ABCB5: variants seen among roughly 807,000 people sequenced by gnomAD.
ABCB5 encodes ATP binding cassette subfamily B member 5.
ABCB5 carries 155 observed loss-of-function variants against 144.2 expected under a neutral mutation model. The ratio of observed to expected loss-of-function variants is 1.08; its 90% CI spans 0.94 to 1.23. The LOEUF is 1.23. Among genes scored for constraint, ABCB5 ranks in the 50% most tolerant of loss-of-function variants. The pLI is 0.00. For missense variants in ABCB5, 1,830 were observed against 1,520.8 expected, an observed-to-expected ratio of 1.20 and a Z score of -3.38; for synonymous variants, 610 against 528.6, an observed-to-expected ratio of 1.15 and a Z score of -2.11.
At chr7:20,631,919 T>G in intron 4 of ABCB5, 140 bp from the exon 5 acceptor site, 2 of 449,148 alleles carry the variant, frequency 4.5e-6, no homozygotes, top group Non-Finnish European at 8.1e-6. Context: ...GAATAGAAAA[T>G]GAGATGATAA....
chr7:20,718,706 A>C (rs900620344), intron 20 of ABCB5, among the ~76,000 whole-genome samples: 2 of 152,150 alleles, frequency 1.3e-5, no homozygotes, highest in East Asian at 3.9e-4. Context: ...TAGGGAAGCA[A>C]TTTGGCAATA....
intron 13 of ABCB5, among the ~76,000 whole-genome samples, chr7:20,656,907 TTTTTC>T (rs1169289892): frequency 0.15 from 13,443 of 89,664 alleles, 715 homozygotes; most frequent in African/African-American, 0.16. Context: ...TTCTTTTTCC[TTTTTC>T]TTTTTTTTTT....
intron 26 of ABCB5, among the ~76,000 whole-genome samples, chr7:20,748,475 C>G (rs1053146867): frequency 1.3e-5 from 2 of 151,852 alleles, no homozygotes; most frequent in African/African-American, 4.8e-5. Context: ...CATGGTGAAA[C>G]CCTGTCTTTA....
intron 27 of ABCB5, among the ~76,000 whole-genome samples, chr7:20,754,771 G>C (rs1005772862): frequency 6.6e-6 from 1 of 152,178 alleles, no homozygotes; most frequent in East Asian, 1.9e-4. Context: ...GTAGAAATTT[G>C]AATAGTATTA....
intron 16 of ABCB5, among the ~76,000 whole-genome samples, chr7:20,692,182 G>A (rs569279735): frequency 6.6e-6 from 1 of 152,064 alleles, no homozygotes; most frequent in African/African-American, 2.4e-5. Context: ...CTACACCTAG[G>A]TATATCATAA....
intron 16 of ABCB5, among the ~76,000 whole-genome samples, chr7:20,689,563 G>A (rs950950035): frequency 2.0e-5 from 3 of 152,150 alleles, no homozygotes; most frequent in Non-Finnish European, 4.4e-5. Flanking sequence ...TCATAGTTAT[G>A]CCTCTGTAAC....
At chr7:20,743,394 T>C (rs918321066) in intron 25 of ABCB5, among the ~76,000 whole-genome samples, 4 of 152,124 alleles carry the variant, frequency 2.6e-5, no homozygotes, top group Admixed American at 1.3e-4. Flanking sequence ...GGCTCCGTAT[T>C]CTGTTGTGGT....
intron 20 of ABCB5, among the ~76,000 whole-genome samples, chr7:20,717,264 G>C (rs539701734): frequency 6.6e-6 from 1 of 152,162 alleles, no homozygotes; most frequent in Non-Finnish European, 1.5e-5. Context: ...AGACTAGGAG[G>C]CTGCAACAAC....
chr7:20,627,048 A>G (rs565210602), intron 3 of ABCB5, among the ~76,000 whole-genome samples: 7 of 152,162 alleles, frequency 4.6e-5, no homozygotes, highest in Admixed American at 2.6e-4. Flanking sequence ...TAAATCAAAA[A>G]TAATTATCTA....
rs759546337 is a variant in ABCB5 at position 20,698,524 on chromosome 7, T to C, written c.2128T>C (p.Ser710Pro). The C allele has an allele frequency of 6.3e-7, 1 of 1,593,216 alleles. No homozygotes were observed. The highest frequency in any genetic ancestry group is 1.7e-4 in the Middle Eastern group (1 of 6,014). ...AAATGGAACTGTTCATCCAGTATTT[T>C]CCATCATCTTTGCAAAAATTATAAC... ...VLNGTVHPVF[S>P]IIFAKIITMF... Residue 710 changes from serine to proline, a missense_variant, in exon 17 of 28, where the codon TCC (serine) becomes CCC (proline). By Grantham distance (74) the Ser-to-Pro change is moderately conservative. Transcript: ENST00000404938.
At chr7:20,733,441 T>A (rs745694480) in intron 23 of ABCB5, among the ~76,000 whole-genome samples, 1 of 152,034 alleles carries the variant, frequency 6.6e-6, no homozygotes, top group African/African-American at 2.4e-5. Context: ...TTTCTTTTAA[T>A]TAAATTCATT....
At chr7:20,662,480 AACAC>A (rs1215707409) in intron 14 of ABCB5, among the ~76,000 whole-genome samples, 1 of 152,108 alleles carries the variant, frequency 6.6e-6, no homozygotes, top group Admixed American at 6.5e-5. Context: ...TTTACACACA[AACAC>A]ACACACACTA....
chr7:20,752,822 G>C (rs145563830), intron 26 of ABCB5, among the ~76,000 whole-genome samples: 2 of 152,126 alleles, frequency 1.3e-5, no homozygotes, highest in African/African-American at 4.8e-5. Flanking sequence ...CTCTAGACTG[G>C]GTAACAGAGC....
chr7:20,745,967 C>T (rs75617335), intron 26 of ABCB5, among the ~76,000 whole-genome samples: 3 of 152,250 alleles, frequency 2.0e-5, no homozygotes, highest in South Asian at 4.1e-4. Context: ...ACCACACAGT[C>T]GCTTTGCTGC....
At chr7:20,724,628 CAAA>C (rs34395637) in intron 21 of ABCB5, among the ~76,000 whole-genome samples, 1,761 of 88,556 alleles carry the variant, frequency 0.02, 34 homozygotes, top group African/African-American at 0.071. Flanking sequence ...AGCTCTGTCT[CAAA>C]AAAAAAAAAA....
rs565961263 is a variant in ABCB5, at chr7:20,667,341, C to T, written c.1707+8665C>T. On this transcript the variant is annotated intron_variant, in intron 14 of 27. Transcript: ENST00000404938. ...TATTAAAACACCTGTGAAGTGAATC[C>T]CCTGTGAAGAAAAGAAGGTCTCTAA... The T allele has an allele frequency of 4.1e-6, 4 of 984,476 alleles. No individual in the cohort carries two copies. In the African/African-American group the frequency reaches 7.0e-5, roughly 17 times the overall value. The allele number at this position is 984,476 out of a possible 1,614,324, so 61.0% of individuals were successfully genotyped here.
intron 4 of ABCB5, among the ~76,000 whole-genome samples, chr7:20,629,354 C>T (rs1783982328): frequency 6.6e-6 from 1 of 152,130 alleles, no homozygotes; most frequent in East Asian, 1.9e-4. Flanking sequence ...CACAATAGTT[C>T]AGCTTGTCTC....
chr7:20,711,796 CTT>C lies in ABCB5; in HGVS notation c.2421+6991_2421+6992del, dbSNP rs574764565. ...CTTCTTTCTCTTTCTTTCTTTCTTT[CTT>C]TCTTTCTTTCTTTCTTTCTTTCTTT... On this transcript the variant is annotated intron_variant, in intron 20 of 27. Coordinates refer to ENST00000404938, the MANE Select transcript of ABCB5 (RefSeq NM_001163941.2). 5.7e-3 allele frequency among the ~76,000 whole-genome samples: 212 copies of C among 37,474 alleles called. 17 individuals are homozygous for C. The highest frequency in any genetic ancestry group is 0.038 in the African/African-American group (154 of 4,036). The allele number at this position is 37,474 out of a possible 152,430, so 24.6% of individuals were successfully genotyped here. A position where few individuals can be genotyped will look rare whatever the true frequency, so the allele number is the denominator to read the frequency against.
rs1324511674 is a variant in ABCB5, at chr7:20,717,030, T to A, written c.2422-5986T>A. Among the ~76,000 whole-genome samples the A allele has an allele frequency of 8.5e-5, 13 of 152,140 alleles. No individual in the cohort carries two copies. The East Asian group carries it at 2.5e-3, about 29-fold the overall frequency. ...CACTTACCCGACCTGAACGCCACAC[T>A]CCAGACTGGTCTTCCCATCTGGAGC... is the stretch of plus-strand genomic sequence containing the variant. On this transcript the variant is annotated intron_variant, in intron 20 of 27. Transcript: ENST00000404938.
Sources: allele counts gnomAD v4.1 joint callset (sites outside exome capture counted in the v4.1 genomes callset), GRCh38; gene constraint gnomAD v4.1.1; transcripts MANE v1.5; gene names NCBI Gene and HGNC (gene_info 2026-07-23, HGNC 2026-07-21).